The following WDR59 variants were observed in gnomAD, a reference collection of about 807,000 sequenced individuals.
WDR59 encodes WD repeat domain 59.
Under a neutral mutation model 131.2 loss-of-function variants are expected in WDR59, and 100 were observed. The ratio of observed to expected loss-of-function variants is 0.76; its 90% CI spans 0.65 to 0.90. The LOEUF is 0.90. WDR59 is among the 40% of genes least tolerant of loss of function. WDR59 has a pLI of 0.00. For synonymous variants in WDR59, 601 were observed against 466.2 expected (o/e 1.29, Z -3.72); for missense variants, 1,203 against 1,262.2 (o/e 0.95, Z 0.71).
In WDR59 at chr16:74,972,724, G is replaced by C. The variant is rs868535527; in HGVS notation, c.55-6902C>G. 2.0e-5 allele frequency among the ~76,000 whole-genome samples: 3 copies of C among 148,930 alleles called. No homozygotes were observed. The South Asian group carries it at 6.4e-4, about 32-fold the overall frequency. ...TAATCCCAGCTACTCAGGAGGCTGA[G>C]GCACAAGATTCACTTGAAACCTGGG... is the stretch of plus-strand genomic sequence containing the variant. On this transcript the variant is annotated intron_variant, in intron 1 of 25. Transcript: ENST00000262144.
At chr16:74,949,329 T>A (rs1597781796) in intron 5 of WDR59, among the ~76,000 whole-genome samples, 2 of 44,076 alleles carry the variant, frequency 4.5e-5, no homozygotes, top group Non-Finnish European at 4.0e-5. Context: ...ATACCTTGTC[T>A]CAAAAAAAAA....
At chr16:74,882,561 C>T (rs116760253) in intron 25 of WDR59, among the ~76,000 whole-genome samples, 2,294 of 152,076 alleles carry the variant, frequency 0.015, 43 homozygotes, top group African/African-American at 0.05. Flanking sequence ...AGCGAAACCC[C>T]GTCTCTACTA....
At chr16:74,950,718 A>G (rs2032943015) in intron 4 of WDR59, among the ~76,000 whole-genome samples, 1 of 152,192 alleles carries the variant, frequency 6.6e-6, no homozygotes. Flanking sequence ...GCCCTTGGGT[A>G]ATGAACTGTG....
intron 2 of WDR59, among the ~76,000 whole-genome samples, chr16:74,957,910 G>A (rs117463530): frequency 0.014 from 2,094 of 152,228 alleles, 21 homozygotes; most frequent in Middle Eastern, 0.024. Context: ...GAAAAGCCAG[G>A]GGAATACACA....
intron 2 of WDR59, among the ~76,000 whole-genome samples, 150 bp downstream of exon 2, chr16:74,965,619 ATCCC>A (rs1352947821): frequency 6.6e-6 from 1 of 152,212 alleles, no homozygotes; most frequent in Non-Finnish European, 1.5e-5. Flanking sequence ...ACTGCAAATA[ATCCC>A]TCCGAGTAGC....
chr16:74,945,937 C>T (rs939262956), intron 6 of WDR59, among the ~76,000 whole-genome samples: 5 of 151,776 alleles, frequency 3.3e-5, no homozygotes, highest in African/African-American at 4.8e-5. Flanking sequence ...CCTGCCTCAG[C>T]CTCCCAAGAA....
At chr16:74,980,272 T>C (rs1218073008) in intron 1 of WDR59, among the ~76,000 whole-genome samples, 2 of 152,064 alleles carry the variant, frequency 1.3e-5, no homozygotes, top group Non-Finnish European at 2.9e-5. Context: ...CAAAGCATTG[T>C]TTCATAAAAT....
intron 1 of WDR59, among the ~76,000 whole-genome samples, chr16:74,970,495 CAAAAA>C (rs746574195): frequency 3.0e-4 from 10 of 33,438 alleles, no homozygotes; most frequent in African/African-American, 5.4e-4. Flanking sequence ...ACTCTGTCTC[CAAAAA>C]AAAAAAAAAA....
chr16:74,917,723 C>T (rs1055671643), intron 11 of WDR59, among the ~76,000 whole-genome samples: 3 of 148,104 alleles, frequency 2.0e-5, no homozygotes, highest in South Asian at 2.1e-4. Flanking sequence ...GCAGGAGAAT[C>T]GCTTGAACCC....
chr16:74,938,351 G>A (rs2031966003), intron 7 of WDR59, 85 bp from the exon 8 acceptor site: 5 of 951,810 alleles, frequency 5.3e-6, no homozygotes, highest in Non-Finnish European at 5.9e-6. Context: ...GGTAGTGAGT[G>A]AGGATGCAAA....
At chr16:74,974,450 A>C (rs4888327) in intron 1 of WDR59, among the ~76,000 whole-genome samples, 85,704 of 151,952 alleles carry the variant, frequency 0.56, 25,412 homozygotes, top group East Asian at 0.77. Context: ...AGGTGTTCCA[A>C]ACTGATATTG....
chr16:74,910,263 C>A (rs1255587594), intron 14 of WDR59, among the ~76,000 whole-genome samples: 1 of 152,136 alleles, frequency 6.6e-6, no homozygotes, highest in Non-Finnish European at 1.5e-5. Flanking sequence ...CCACTGCGCC[C>A]GGCCCTGATT....
At position 74,984,985 on chromosome 16, in the gene WDR59, A is replaced by C. The variant is rs1420796230; in HGVS notation, c.33T>G (p.Val11=). The change falls in exon 1 of 26, where the codon GTT becomes GTG. Residue 11 remains valine (V), a synonymous_variant. Transcript: ENST00000262144. ...TCACCTGGGAGTCACGGAACTCTACAACCACGTTTTCGCTGCTCCATCGCG... is the reference window on the plus strand; with the variant it reads ...TCACCTGGGAGTCACGGAACTCTACCACCACGTTTTCGCTGCTCCATCGCG... The part of the protein sequence containing the change: MAARWSSENV[V]VEFRDSQATA... 9.4e-6 allele frequency: 15 copies of C among 1,601,450 alleles called. No individual in the cohort carries two copies. Among genetic ancestry groups the C allele is most frequent in the Non-Finnish European group, 1.1e-5 (13 of 1,174,276 alleles).
At chr16:74,981,649 TATATATATATA>T (rs1387435201) in intron 1 of WDR59, among the ~76,000 whole-genome samples, 126 of 5,560 alleles carry the variant, frequency 0.023, 6 homozygotes, top group Middle Eastern at 0.25. Context: ...TATATATATA[TATATATATATA>T]TTTTTTTTTT....
rs1411833857 is a variant in WDR59, at chr16:74,915,884, T to C, written c.1210A>G (p.Asn404Asp). 2.5e-6 allele frequency: 4 copies of C among 1,614,192 alleles called. No individual in the cohort carries two copies. The highest frequency in any genetic ancestry group is 2.5e-6 in the Non-Finnish European group (3 of 1,180,020). The change falls in exon 13 of 26, where the codon AAT (asparagine) becomes GAT (aspartate). Residue 404 changes from asparagine (N) to aspartate (D), a missense_variant. Transcript: ENST00000262144. Reference protein sequence around the residue: ...EFSLINVQIRNVNVEMDAADR... With the variant: ...EFSLINVQIRDVNVEMDAADR... ...AAACTAAGTACCTCCACATTGACAT[T>C]CCGGATTTGCACATTGATCAGGGAG...
intron 2 of WDR59, among the ~76,000 whole-genome samples, chr16:74,960,509 C>A (rs1385137569): frequency 6.6e-6 from 1 of 151,898 alleles, no homozygotes; most frequent in Non-Finnish European, 1.5e-5. Context: ...CTTTGGGAGG[C>A]TGAGGTGGGT....
At chr16:74,908,375 C>T (rs901335438) in intron 17 of WDR59, among the ~76,000 whole-genome samples, 6 of 152,108 alleles carry the variant, frequency 3.9e-5, no homozygotes, top group African/African-American at 1.2e-4. Context: ...TATGATCATG[C>T]CACTGCACTC....
At chr16:74,885,294 C>T (rs137985877) in intron 25 of WDR59, among the ~76,000 whole-genome samples, 2,276 of 151,484 alleles carry the variant, frequency 0.015, 40 homozygotes, top group African/African-American at 0.05. Context: ...CTACTAAAAG[C>T]ACAAAAATTA....
chr16:74,877,083 T>C (rs897342772), intron 25 of WDR59, among the ~76,000 whole-genome samples: 3 of 152,114 alleles, frequency 2.0e-5, no homozygotes, highest in African/African-American at 7.2e-5. Context: ...TTCAAGATAA[T>C]TGATGTGTTC....
Sources: allele counts gnomAD v4.1 joint callset (sites outside exome capture counted in the v4.1 genomes callset), GRCh38; gene constraint gnomAD v4.1.1; transcripts MANE v1.5; gene names NCBI Gene and HGNC (gene_info 2026-07-23, HGNC 2026-07-21).